Variants in TTC21B observed in about 807,000 individuals in gnomAD.
TTC21B encodes the protein tetratricopeptide repeat domain 21B.
A neutral mutation model predicts 175.1 loss-of-function variants in TTC21B; 127 were observed. The observed-to-expected ratio is 0.73, with a 90% confidence interval of 0.63 to 0.84. The LOEUF is 0.84. TTC21B is among the 40% of genes least tolerant of loss of function. The pLI, the probability that TTC21B is intolerant of heterozygous loss-of-function variation, is 0.00. For missense variants in TTC21B, 1,561 were observed against 1,558.3 expected (o/e 1.00, Z -0.03); for synonymous variants, 524 against 524.5 (o/e 1.00, Z 0.01).
Position 165,895,097 on chromosome 2 carries a change from C to T in TTC21B, c.2950+3589G>A, listed in dbSNP as rs191152434. 2.4e-4 allele frequency among the ~76,000 whole-genome samples: 35 copies of T among 146,466 alleles called. No individual in the cohort carries two copies. In the East Asian group the frequency reaches 6.8e-3, roughly 28 times the overall value. ...GGATGCAGATTTACTTTTTTATTTT[C>T]CCCCAAGAGGGATATATTTTAGATT... On this transcript the variant is annotated intron_variant, in intron 22 of 28. Transcript: ENST00000243344.
At chr2:165,916,033 A>G (rs1225843689) in intron 14 of TTC21B, among the ~76,000 whole-genome samples, 1 of 152,232 alleles carries the variant, frequency 6.6e-6, no homozygotes, top group African/African-American at 2.4e-5. Flanking sequence ...CTGTAATCCC[A>G]GCACTTTGGG....
At chr2:165,919,987 A>G (rs1023661181) in intron 12 of TTC21B, among the ~76,000 whole-genome samples, 13 of 152,216 alleles carry the variant, frequency 8.5e-5, no homozygotes, top group African/African-American at 2.9e-4. Context: ...AAATAATGCC[A>G]GTTATATATC....
Position 165,883,858 on chromosome 2 carries a change from TA to T in TTC21B, c.3619del (p.Tyr1207ThrfsTer14), listed in dbSNP as rs1172845570. The T allele has an allele frequency of 1.2e-6, 2 of 1,613,954 alleles. No homozygotes were observed. The highest frequency in any genetic ancestry group is 2.7e-5 in the African/African-American group (2 of 74,910). On this transcript the variant is annotated frameshift_variant, in exon 26 of 29. Transcript: ENST00000243344. LOFTEE classifies it high-confidence loss of function. Reference protein sequence around the residue: ...EKSWLLLADIYIQSAKYDMAE... With the variant: ...EKSWLLLADIXIQSAKYDMAE... ...CATGTCATATTTTGCTGATTGAATG[TA>T]AATATCAGCAAGTAGCAGCCAACTC...
intron 1 of TTC21B, 105 bp downstream of exon 1, chr2:165,953,580 G>T (rs986140428): frequency 1.3e-6 from 2 of 1,515,610 alleles, no homozygotes; most frequent in South Asian, 1.2e-5. Flanking sequence ...GGGAAACAGC[G>T]GCCTAGCGAA....
At position 165,890,837 on chromosome 2, in the gene TTC21B, C is replaced by T. The variant is rs1685164491; in HGVS notation, c.3101+1G>A. Reference sequence around the variant, plus strand: ...TAGCATTTATTTGTAAATAGATTTACCAAAGATACAGTCCTTTACAATACT... The same window carrying T: ...TAGCATTTATTTGTAAATAGATTTATCAAAGATACAGTCCTTTACAATACT... On this transcript the variant is annotated splice_donor_variant, in intron 23 of 28. Transcript: ENST00000243344. LOFTEE classifies it high-confidence loss of function. 1.2e-6 allele frequency: 2 copies of T among 1,612,386 alleles called. No homozygotes were observed. The highest frequency in any genetic ancestry group is 1.1e-5 in the South Asian group (1 of 90,842).
Position 165,907,781 on chromosome 2 carries a change from T to C in TTC21B, c.2465A>G (p.Asn822Ser). The change falls in exon 19 of 29, where the codon AAT becomes AGT. Residue 822 changes from asparagine to serine, a missense_variant. Transcript: ENST00000243344. The stretch of plus-strand genomic sequence containing the variant: ...ATCCTCCATGAGAGCTGACAGTTCA[T>C]TTACTATGAAAGAATGGAATGTAAT... ...LQHALAHEPVNELSALMEDGR... is the reference protein window; with the variant it reads ...LQHALAHEPVSELSALMEDGR... 2 of 1,601,174 alleles carry C rather than the reference T, an allele frequency of 1.2e-6. No individual in the cohort carries two copies. Among genetic ancestry groups the C allele is most frequent in the Non-Finnish European group, 1.7e-6 (2 of 1,168,968 alleles).
intron 3 of TTC21B, among the ~76,000 whole-genome samples, chr2:165,946,100 C>T (rs906059033): frequency 8.1e-5 from 12 of 148,282 alleles, no homozygotes; most frequent in South Asian, 2.1e-4. Context: ...CCAAGGCGGG[C>T]GGATCACGAG....
At chr2:165,917,054 T>C (rs1046519308) in intron 14 of TTC21B, among the ~76,000 whole-genome samples, 5 of 151,942 alleles carry the variant, frequency 3.3e-5, no homozygotes, top group Non-Finnish European at 7.4e-5. Flanking sequence ...TTTTTTTGTA[T>C]TTTTAGTAGA....
chr2:165,943,182 T>G, intron 5 of TTC21B, 37 bp downstream of exon 5: 6 of 1,609,876 alleles, frequency 3.7e-6, no homozygotes, highest in Non-Finnish European at 5.1e-6. Flanking sequence ...ATGAATATAT[T>G]TTGAAACATG....
At chr2:165,906,196 T>C (rs1244389054) in intron 19 of TTC21B, among the ~76,000 whole-genome samples, 1 of 113,030 alleles carries the variant, frequency 8.8e-6, no homozygotes, top group African/African-American at 3.5e-5. Flanking sequence ...CTGCTTCAAA[T>C]GAATAGGAAA....
chr2:165,915,070 A>T (rs1686112648), intron 15 of TTC21B, 131 bp downstream of exon 15: 1 of 763,686 alleles, frequency 1.3e-6, no homozygotes, highest in East Asian at 2.5e-5. Context: ...TGGTAGAAGG[A>T]ATCAGGACCA....
intron 12 of TTC21B, among the ~76,000 whole-genome samples, chr2:165,923,499 T>C (rs1412299865): frequency 1.4e-5 from 2 of 147,606 alleles, no homozygotes; most frequent in African/African-American, 2.5e-5. Flanking sequence ...CAGGCTGGAG[T>C]GCAGTGGCAC....
chr2:165,918,092 A>G (rs1686245210), intron 13 of TTC21B, among the ~76,000 whole-genome samples: 1 of 152,162 alleles, frequency 6.6e-6, no homozygotes, highest in Non-Finnish European at 1.5e-5. Flanking sequence ...GCAGCCACCT[A>G]GCGATTAGGA....
chr2:165,932,523 T>A (rs78065968), intron 7 of TTC21B, among the ~76,000 whole-genome samples: 3,334 of 152,270 alleles, frequency 0.022, 132 homozygotes, highest in African/African-American at 0.076. Flanking sequence ...CAGAAACAGA[T>A]GTGCTTTATT....
chr2:165,946,359 A>C (rs1180570957), intron 3 of TTC21B, among the ~76,000 whole-genome samples: 1 of 151,858 alleles, frequency 6.6e-6, no homozygotes, highest in African/African-American at 2.4e-5. Context: ...AAAAAAGTTA[A>C]ATTTTATTTA....
At chr2:165,917,613 T>G in intron 13 of TTC21B, 132 bp from the exon 14 acceptor site, 1 of 763,750 alleles carries the variant, frequency 1.3e-6, no homozygotes, top group Non-Finnish European at 2.2e-6. Context: ...GGTCTATCTC[T>G]GCCCTCTTAT....
At chr2:165,875,691 A>T (rs1024311560) in intron 28 of TTC21B, among the ~76,000 whole-genome samples, 1 of 152,156 alleles carries the variant, frequency 6.6e-6, no homozygotes, top group Non-Finnish European at 1.5e-5. Context: ...TAATAACCAG[A>T]TTCAGACACA....
chr2:165,929,649 C>T lies in TTC21B; in HGVS notation c.1185+1G>A. The T allele has an allele frequency of 6.2e-7, 1 of 1,601,464 alleles. No individual in the cohort carries two copies. The highest frequency in any genetic ancestry group is 1.1e-5 in the South Asian group (1 of 90,830). On this transcript the variant is annotated splice_donor_variant, in intron 10 of 28. Transcript: ENST00000243344. LOFTEE classifies it high-confidence loss of function. ...CCAGCTGATAAAATAAAATACTGTA[C>T]CGCAGATTTTCCAATGGATTGCTGG...
At chr2:165,934,514 A>G (rs1056309862) in intron 6 of TTC21B, among the ~76,000 whole-genome samples, 1 of 147,220 alleles carries the variant, frequency 6.8e-6, no homozygotes, top group African/African-American at 2.5e-5. Flanking sequence ...AAAAAAAAAA[A>G]AAAAAAAGAA....
Sources: gnomAD v4.1 joint callset for allele counts (sites outside exome capture counted in the v4.1 genomes callset) on GRCh38, gnomAD v4.1.1 for gene constraint, MANE v1.5 for transcripts, NCBI Gene and HGNC (gene_info 2026-07-23, HGNC 2026-07-21) for gene names.